Variants in LONP2 observed in about 807,000 individuals in gnomAD.
LONP2 encodes the protein lon protease homolog 2, peroxisomal.
In LONP2, 60 loss-of-function variants were observed where a neutral mutation model predicts 85.6. That is an observed-to-expected ratio of 0.70 (90% CI 0.57 to 0.87). The LOEUF (loss-of-function observed/expected upper bound fraction) is 0.87, where lower values mean the gene tolerates loss of function less well. Among genes scored for constraint, LONP2 ranks in the 40% least tolerant of loss-of-function variants. The pLI is 0.00. For missense variants in LONP2, 860 were observed against 1,063.5 expected, an observed-to-expected ratio of 0.81 and a Z score of 2.66; for synonymous variants, 395 against 389.7, an observed-to-expected ratio of 1.01 and a Z score of -0.16.
At chr16:48,247,516 GT>G (rs1477320042) in intron 1 of LONP2, 1 of 151,512 alleles carries the variant, frequency 6.6e-6, no homozygotes, top group East Asian at 1.9e-4. Context: ...GAGTAGTACA[GT>G]CCCTTTCTGC....
At chr16:48,281,830 C>G (rs1972334320) in intron 8 of LONP2, among the ~76,000 whole-genome samples, 1 of 152,148 alleles carries the variant, frequency 6.6e-6, no homozygotes, top group African/African-American at 2.4e-5. Flanking sequence ...ATATTTACTA[C>G]TTAGATACAG....
intron 8 of LONP2, among the ~76,000 whole-genome samples, chr16:48,285,728 G>T (rs576075510): frequency 9.9e-5 from 15 of 151,982 alleles, no homozygotes; most frequent in Non-Finnish European, 2.2e-4. Flanking sequence ...TATTTGTCAA[G>T]ACATCATTCT....
intron 14 of LONP2, among the ~76,000 whole-genome samples, chr16:48,348,546 G>A (rs892269224): frequency 1.3e-4 from 19 of 144,064 alleles, no homozygotes; most frequent in Admixed American, 6.5e-4. Flanking sequence ...CCAGGCTGGA[G>A]TGCAGTGGTG....
At position 48,354,541 on chromosome 16, in the gene LONP2, T is replaced by A. The variant is rs528234564; in HGVS notation, c.*2739T>A. On this transcript the variant is annotated 3_prime_UTR_variant, in exon 15 of 15. Transcript: ENST00000285737. ...ATTTTTTATCACCACAAACTGAAAC[T>A]CTGTACCCACTGAAAAAGAGCTCCA... is the stretch of plus-strand genomic sequence containing the variant. 20 of 152,266 alleles carry A rather than the reference T, an allele frequency of 1.3e-4. No homozygotes were observed. The highest frequency in any genetic ancestry group is 4.8e-4 in the African/African-American group (20 of 41,488). The allele number at this position is 152,266 out of a possible 1,614,324, so 9.4% of individuals were successfully genotyped here.
intron 2 of LONP2, among the ~76,000 whole-genome samples, chr16:48,254,403 G>A (rs967358918): frequency 1.4e-5 from 2 of 141,432 alleles, no homozygotes; most frequent in Non-Finnish European, 1.5e-5. Context: ...TTGCCCTGTT[G>A]CCCAGGCTGG....
rs1307233831 is a variant in LONP2, at chr16:48,362,654, C to G, written c.*791C>G. The G allele has an allele frequency of 7.9e-6, 4 of 503,972 alleles. No individual in the cohort carries two copies. The highest frequency in any genetic ancestry group is 5.5e-4 in the Middle Eastern group (1 of 1,826). The allele number at this position is 503,972 out of a possible 1,614,324, so 31.2% of individuals were successfully genotyped here. On this transcript the variant is annotated 3_prime_UTR_variant, in exon 5 of 5. Transcript: ENST00000565867. The surrounding 1 kb of genome is among the most constrained non-coding windows in gnomAD (Gnocchi z 4.2). ...GGATAAGCTCTCTTTTCAAAATGTT[C>G]CGGAAAACATGTGGAACTCCCTTAA...
intron 10 of LONP2, among the ~76,000 whole-genome samples, chr16:48,302,101 T>C (rs1972819223): frequency 6.6e-6 from 1 of 152,358 alleles, no homozygotes; most frequent in East Asian, 1.9e-4. Flanking sequence ...GATTCTTAGC[T>C]TTTTAAAGAT....
At chr16:48,337,890 T>C (rs1303918037) in intron 12 of LONP2, among the ~76,000 whole-genome samples, 1 of 152,200 alleles carries the variant, frequency 6.6e-6, no homozygotes, top group Non-Finnish European at 1.5e-5. Context: ...CATAGCTCAC[T>C]GCAACCTCCA....
intron 11 of LONP2, among the ~76,000 whole-genome samples, chr16:48,317,976 A>G (rs983643693): frequency 6.6e-6 from 1 of 152,104 alleles, no homozygotes; most frequent in Non-Finnish European, 1.5e-5. Flanking sequence ...AAATCAACCT[A>G]ATGTAGTGGA....
At chr16:48,283,871 G>C (rs1365504911) in intron 8 of LONP2, among the ~76,000 whole-genome samples, 3 of 152,160 alleles carry the variant, frequency 2.0e-5, no homozygotes, top group Non-Finnish European at 4.4e-5. Flanking sequence ...TCAGGGCGAA[G>C]TACATTGAAA....
At chr16:48,258,836 G>T in intron 4 of LONP2, 96 bp downstream of exon 4, 4 of 1,119,770 alleles carry the variant, frequency 3.6e-6, no homozygotes, top group Non-Finnish European at 4.8e-6. Context: ...CCTACCACTC[G>T]CACTACTGAT....
chr16:48,293,374 G>A (rs113762438), intron 8 of LONP2, among the ~76,000 whole-genome samples: 2,569 of 152,168 alleles, frequency 0.017, 58 homozygotes, highest in African/African-American at 0.057. Context: ...CTTGCAGTGA[G>A]CCGAGATCGC....
Position 48,288,210 on chromosome 16 carries a change from A to G in LONP2, c.1384-7805A>G, listed in dbSNP as rs980747683. The stretch of plus-strand genomic sequence containing the variant: ...GCCCTGTCACCCAGGCTGGAGTGCA[A>G]TAGTGCAATCTTGGCTCACTGCAAC... On this transcript the variant is annotated intron_variant, in intron 8 of 14. Coordinates refer to ENST00000285737, the MANE Select transcript of LONP2 (RefSeq NM_031490.5). 8.2e-5 allele frequency among the ~76,000 whole-genome samples: 12 copies of G among 146,076 alleles called. No homozygotes were observed. In the South Asian group the frequency reaches 1.1e-3, roughly 13 times the overall value.
chr16:48,263,234 A>G (rs1259379597), intron 6 of LONP2, among the ~76,000 whole-genome samples: 2 of 152,134 alleles, frequency 1.3e-5, no homozygotes, highest in African/African-American at 4.8e-5. Context: ...ATAAGGTCTA[A>G]TGTTAAATTA....
chr16:48,362,725 A>C lies in LONP2; in HGVS notation c.*862A>C. On this transcript the variant is annotated 3_prime_UTR_variant, in exon 5 of 5. Coordinates refer to the LONP2 transcript ENST00000565867. This position sits in a 1 kb window ranked among gnomAD's most constrained non-coding sequence, Gnocchi z 4.2. ...TAGAATAATAAATGCTAAAATAGAA[A>C]ATGGACCATAAACAACTAAAGAAAC... 1 of 279,136 alleles carries C rather than the reference A, an allele frequency of 3.6e-6. No homozygotes were observed. Among genetic ancestry groups the C allele is most frequent in the South Asian group, 4.8e-5 (1 of 20,964 alleles). The allele number at this position is 279,136 out of a possible 1,614,324, so 17.3% of individuals were successfully genotyped here.
intron 11 of LONP2, among the ~76,000 whole-genome samples, chr16:48,317,183 C>T (rs908289795): frequency 6.6e-6 from 1 of 152,202 alleles, no homozygotes; most frequent in African/African-American, 2.4e-5. Flanking sequence ...CCTGGCTTCT[C>T]CTTTCTCCTG....
intron 12 of LONP2, chr16:48,345,996 A>C (rs575888678): frequency 3.4e-5 from 5 of 147,306 alleles, no homozygotes; most frequent in African/African-American, 1.2e-4. Context: ...TTGAGCCAAG[A>C]TTGTGCCATT....
intron 8 of LONP2, among the ~76,000 whole-genome samples, chr16:48,283,853 C>T (rs1021610351): frequency 3.3e-5 from 5 of 152,134 alleles, no homozygotes; most frequent in Non-Finnish European, 5.9e-5. Flanking sequence ...TATGATTCGT[C>T]CCATGCATCA....
chr16:48,274,746 C>T (rs957592091), intron 7 of LONP2, among the ~76,000 whole-genome samples: 22 of 151,952 alleles, frequency 1.4e-4, no homozygotes, highest in African/African-American at 2.7e-4. Flanking sequence ...GTTTTTCTAC[C>T]GTACAAAGAT....
Sources: gnomAD v4.1 joint callset for allele counts (sites outside exome capture counted in the v4.1 genomes callset) on GRCh38, gnomAD v4.1.1 for gene constraint, Gnocchi (gnomAD v3.1) non-coding constraint, MANE v1.5 for transcripts, NCBI Gene and HGNC (gene_info 2026-07-23, HGNC 2026-07-21) for gene names.